Variants in PCDH15 observed in about 807,000 individuals in gnomAD.
PCDH15 encodes protocadherin related 15.
A neutral mutation model predicts 178.5 loss-of-function variants in PCDH15; 129 were observed. The observed-to-expected ratio is 0.72, with a 90% CI of 0.63 to 0.84. PCDH15 has a LOEUF of 0.84. Among genes scored for constraint, PCDH15 ranks in the 40% least tolerant of loss-of-function variants. PCDH15 has a pLI of 0.00. For synonymous variants in PCDH15, 800 were observed against 732.0 expected (o/e 1.09, Z -1.50); for missense variants, 2,230 against 2,099.9 (o/e 1.06, Z -1.21).
In PCDH15 at chr10:55,434,596, A is replaced by G. The variant is rs553382620; in HGVS notation, c.-156+193029T>C. Among the ~76,000 whole-genome samples the G allele has an allele frequency of 2.9e-5, 4 of 136,198 alleles. No homozygotes were observed. The East Asian group carries it at 9.1e-4, about 31-fold the overall frequency. 89.4% of individuals were successfully genotyped at this position (136,198 alleles called of 152,430 possible). A position where few individuals can be genotyped will look rare whatever the true frequency, so the allele number is the denominator to read the frequency against. On this transcript the variant is annotated intron_variant, in intron 2 of 5. Coordinates refer to the PCDH15 transcript ENST00000613346. ...AAAGCATATTTAATTATTCAATTACAAAGTCATGACATTAATTTTTTTTTT... is the reference window on the plus strand; with the variant it reads ...AAAGCATATTTAATTATTCAATTACGAAGTCATGACATTAATTTTTTTTTT...
intron 1 of PCDH15, among the ~76,000 whole-genome samples, chr10:55,244,590 C>T (rs892376444): frequency 6.6e-6 from 1 of 151,902 alleles, no homozygotes; most frequent in Non-Finnish European, 1.5e-5. Context: ...CACACACACA[C>T]ACAAACACAC....
chr10:53,806,354 A>AGGTTATTT lies in PCDH15; in HGVS notation c.*217_*224dup, dbSNP rs1363108721. The AGGTTATTT allele has an allele frequency of 6.6e-6, 3 of 456,558 alleles. No homozygotes were observed. The East Asian group carries it at 1.0e-4, about 16-fold the overall frequency. The allele number at this position is 456,558 out of a possible 1,614,324, so 28.3% of individuals were successfully genotyped here. A position where few individuals can be genotyped will look rare whatever the true frequency, so the allele number is the denominator to read the frequency against. ...CAAAACAGCTAAATGTTTAAACGAT[A>AGGTTATTT]GGTTATTTAGTGAAAGTATGTCCAA... On this transcript the variant is annotated 3_prime_UTR_variant, in exon 38 of 38. Transcript: ENST00000644397.
intron 2 of PCDH15, among the ~76,000 whole-genome samples, chr10:55,137,670 A>C (rs998962953): frequency 2.0e-5 from 3 of 152,298 alleles, no homozygotes; most frequent in Non-Finnish European, 2.9e-5. Flanking sequence ...CTGAATATTA[A>C]CAAATATTAT....
At chr10:53,861,997 C>T (rs775738561) in intron 27 of PCDH15, among the ~76,000 whole-genome samples, 2 of 152,054 alleles carry the variant, frequency 1.3e-5, no homozygotes, top group Non-Finnish European at 2.9e-5. Context: ...TTAGTTTCCA[C>T]ATGAAATCTG....
chr10:55,012,367 AT>A (rs1176519113), intron 2 of PCDH15, among the ~76,000 whole-genome samples: 1 of 152,142 alleles, frequency 6.6e-6, no homozygotes, highest in Non-Finnish European at 1.5e-5. Flanking sequence ...AAAATTAGAT[AT>A]TTTGAAAAAT....
chr10:55,362,067 T>G (rs1252924499), intron 2 of PCDH15, among the ~76,000 whole-genome samples: 1 of 152,110 alleles, frequency 6.6e-6, no homozygotes, highest in Non-Finnish European at 1.5e-5. Context: ...TAGATGCTTA[T>G]ATCATCTGTG....
At chr10:54,788,257 C>T (rs181994579) in intron 1 of PCDH15, among the ~76,000 whole-genome samples, 72 of 151,592 alleles carry the variant, frequency 4.7e-4, no homozygotes, top group Non-Finnish European at 6.8e-4. Context: ...TATTAGTAGA[C>T]GAAATAAGAT....
At chr10:54,509,245 C>A (rs7092161) in intron 3 of PCDH15, among the ~76,000 whole-genome samples, 30,079 of 151,794 alleles carry the variant, frequency 0.2, 3,585 homozygotes, top group Admixed American at 0.33. Context: ...GTGGGAGGGA[C>A]CCAGTGGGAG....
intron 2 of PCDH15, among the ~76,000 whole-genome samples, chr10:55,557,088 T>C (rs1057376997): frequency 2.6e-5 from 4 of 152,282 alleles, no homozygotes; most frequent in Admixed American, 6.5e-5. Flanking sequence ...CTGTTCACAA[T>C]TGTACCAGTT....
At chr10:55,031,722 G>T (rs1840615093) in intron 2 of PCDH15, among the ~76,000 whole-genome samples, 1 of 152,168 alleles carries the variant, frequency 6.6e-6, no homozygotes, top group African/African-American at 2.4e-5. Context: ...AAGGCAGTTT[G>T]TCTTTTTTGC....
At chr10:53,868,435 T>A (rs970164039) in intron 26 of PCDH15, among the ~76,000 whole-genome samples, 1 of 152,224 alleles carries the variant, frequency 6.6e-6, no homozygotes, top group Non-Finnish European at 1.5e-5. Flanking sequence ...TATAAATTAG[T>A]GATATTCAAT....
At chr10:54,054,798 C>T (rs934393772) in intron 18 of PCDH15, among the ~76,000 whole-genome samples, 20 of 149,974 alleles carry the variant, frequency 1.3e-4, no homozygotes, top group Middle Eastern at 3.2e-3. Context: ...ATTGACATAA[C>T]CAATTTTTCA....
At chr10:54,938,650 T>A (rs1837973026) in intron 2 of PCDH15, among the ~76,000 whole-genome samples, 1 of 152,186 alleles carries the variant, frequency 6.6e-6, no homozygotes, top group Non-Finnish European at 1.5e-5. Flanking sequence ...GCAAAAATGT[T>A]CACCTCCTAA....
intron 1 of PCDH15, among the ~76,000 whole-genome samples, chr10:55,228,353 CAA>C (rs375606108): frequency 6.8e-6 from 1 of 146,974 alleles, no homozygotes; most frequent in African/African-American, 2.5e-5. Flanking sequence ...CTAGGAAGAT[CAA>C]AAAAAAAATT....
At chr10:53,986,195 A>C (rs1438590593) in intron 21 of PCDH15, among the ~76,000 whole-genome samples, 1 of 152,218 alleles carries the variant, frequency 6.6e-6, no homozygotes. Context: ...CACACTCGAC[A>C]TACAAATGGC....
At chr10:54,494,902 C>T (rs2079970666) in intron 3 of PCDH15, among the ~76,000 whole-genome samples, 1 of 152,004 alleles carries the variant, frequency 6.6e-6, no homozygotes, top group Admixed American at 6.6e-5. Context: ...TCTGGAGGCC[C>T]TACTTTATGC....
At chr10:54,424,437 G>A (rs550283110) in intron 3 of PCDH15, among the ~76,000 whole-genome samples, 10 of 151,992 alleles carry the variant, frequency 6.6e-5, no homozygotes, top group Admixed American at 4.6e-4. Context: ...CAACCATTGT[G>A]GAAGACAGTG....
intron 2 of PCDH15, among the ~76,000 whole-genome samples, chr10:55,506,561 G>A (rs918770924): frequency 1.3e-5 from 2 of 151,464 alleles, no homozygotes; most frequent in Non-Finnish European, 3.0e-5. Flanking sequence ...GGCTCAAAAA[G>A]AAAAGTCAGA....
chr10:54,025,567 C>T (rs548692738), intron 18 of PCDH15, among the ~76,000 whole-genome samples: 8 of 150,722 alleles, frequency 5.3e-5, no homozygotes, highest in South Asian at 4.2e-4. Flanking sequence ...GGTGCGATCT[C>T]GGCTCACTGC....
Sources: allele counts gnomAD v4.1 joint callset (sites outside exome capture counted in the v4.1 genomes callset), GRCh38; gene constraint gnomAD v4.1.1; transcripts MANE v1.5; gene names NCBI Gene and HGNC (gene_info 2026-07-23, HGNC 2026-07-21).